The following LIG3 variants were observed in gnomAD, a reference collection of about 807,000 sequenced individuals.
The protein encoded by LIG3 is DNA ligase 3.
In LIG3, 58 loss-of-function variants were observed where a neutral mutation model predicts 110.9. That is an observed-to-expected ratio of 0.52 (90% confidence interval 0.42 to 0.65). LIG3 has a LOEUF of 0.65. LIG3 is among the 30% of genes least tolerant of loss of function. The probability of loss-of-function intolerance (pLI) is 0.00; values close to 1 mark genes in which losing one functional copy is unlikely to be tolerated. For synonymous variants in LIG3, 422 were observed against 472.8 expected (o/e 0.89, Z 1.39); for missense variants, 1,094 against 1,273.8 (o/e 0.86, Z 2.15).
At chr17:34,986,649 G>T (rs561683824) in intron 3 of LIG3, among the ~76,000 whole-genome samples, 1 of 152,242 alleles carries the variant, frequency 6.6e-6, no homozygotes, top group African/African-American at 2.4e-5. Flanking sequence ...GCATTTCTTT[G>T]TATACTTTAA....
Position 34,994,298 on chromosome 17 carries a change from A to G in LIG3, c.1478A>G (p.Glu493Gly). Residue 493 changes from glutamate to glycine, a missense_variant, in exon 9 of 20, where the codon GAG (glutamate) becomes GGG (glycine). Transcript: ENST00000378526. ...AAGGCGGAGGCCTGCAAGTCCGTTG[A>G]GTATGCAATGAAGAAATGTCCCAAT... is the stretch of plus-strand genomic sequence containing the variant. ...PMLAEACKSV[E>G]YAMKKCPNGM... The G allele has an allele frequency of 6.2e-7, 1 of 1,613,606 alleles. No homozygotes were observed. Among genetic ancestry groups the G allele is most frequent in the Non-Finnish European group, 8.5e-7 (1 of 1,179,950 alleles).
At chr17:34,993,293 C>A (rs1370136112) in intron 8 of LIG3, among the ~76,000 whole-genome samples, 2 of 152,218 alleles carry the variant, frequency 1.3e-5, no homozygotes, top group African/African-American at 4.8e-5. Context: ...CTGTGAGATT[C>A]TTTGGATTTT....
At chr17:34,980,807 G>A (rs1304365011) in intron 1 of LIG3, 185 bp downstream of exon 1, 2 of 182,562 alleles carry the variant, frequency 1.1e-5, no homozygotes, top group African/African-American at 4.8e-5. Context: ...GGGGAGGCTC[G>A]CGGCTCCCCG....
Position 35,005,104 on chromosome 17 carries a change from T to A in LIG3, c.*598T>A, listed in dbSNP as rs564106167. On this transcript the variant is annotated 3_prime_UTR_variant, in exon 20 of 20. Transcript: ENST00000378526. ...CTATTACATGGTGAGGATCCCCAGTTTGAAGGGAGGGGACTAGGGTCAGGT... is the reference window on the plus strand; with the variant it reads ...CTATTACATGGTGAGGATCCCCAGTATGAAGGGAGGGGACTAGGGTCAGGT... 2.4e-5 allele frequency: 8 copies of A among 338,922 alleles called. No homozygotes were observed. Among genetic ancestry groups the A allele is most frequent in the Non-Finnish European group, 4.7e-5 (8 of 170,258 alleles). 21.0% of individuals were successfully genotyped at this position (338,922 alleles called of 1,614,324 possible). A position where few individuals can be genotyped will look rare whatever the true frequency, so the allele number is the denominator to read the frequency against.
chr17:35,010,817 T>A (rs1597809150), downstream of LIG3: 1 of 151,196 alleles, frequency 6.6e-6, no homozygotes, highest in Non-Finnish European at 1.5e-5. Flanking sequence ...GGAATGAAAG[T>A]AGGGTCTCCT....
At chr17:35,010,613 G>T (rs1432400982), downstream of LIG3, 2 of 152,268 alleles carry the variant, frequency 1.3e-5, no homozygotes, top group Non-Finnish European at 2.9e-5. Context: ...TTAGCCTGGT[G>T]TGGTGGTGGG....
intron 16 of LIG3, among the ~76,000 whole-genome samples, chr17:35,000,569 T>G (rs1386299567): frequency 6.6e-6 from 1 of 151,384 alleles, no homozygotes; most frequent in African/African-American, 2.4e-5. Context: ...CCTTTTTGGT[T>G]TTAATTGTTC....
chr17:34,999,923 G>T, intron 16 of LIG3, 67 bp downstream of exon 16: 1 of 1,314,462 alleles, frequency 7.6e-7, no homozygotes, highest in Non-Finnish European at 1.1e-6. Context: ...TAGTGCCATA[G>T]AGAATCCATC....
intron 16 of LIG3, among the ~76,000 whole-genome samples, chr17:35,000,531 T>G (rs150782448): frequency 2.2e-3 from 340 of 152,224 alleles, no homozygotes; most frequent in Middle Eastern, 6.8e-3. Flanking sequence ...GTGCTGGGAT[T>G]ACAGGCGTGA....
chr17:34,995,382 A>G lies in LIG3; in HGVS notation c.1612-682A>G, dbSNP rs549367468. 2.6e-5 allele frequency among the ~76,000 whole-genome samples: 4 copies of G among 152,336 alleles called. No individual in the cohort carries two copies. In the South Asian group the frequency reaches 8.3e-4, roughly 32 times the overall value. ...GTGAGGTTGGTGTTAAATAGACACCATCTGTGACCCAGGAAGAAGTCTGAG... is the reference window on the plus strand; with the variant it reads ...GTGAGGTTGGTGTTAAATAGACACCGTCTGTGACCCAGGAAGAAGTCTGAG... On this transcript the variant is annotated intron_variant, in intron 9 of 19. Coordinates refer to ENST00000378526, the MANE Select transcript of LIG3 (RefSeq NM_013975.4).
At chr17:34,988,028 A>G (rs1470826840) in intron 3 of LIG3, among the ~76,000 whole-genome samples, 1 of 151,506 alleles carries the variant, frequency 6.6e-6, no homozygotes, top group Non-Finnish European at 1.5e-5. Context: ...CCCTGTCTCT[A>G]CTAAAAATAA....
Position 34,994,327 on chromosome 17 carries a change from A to G in LIG3, c.1507A>G (p.Met503Val). 1 of 1,614,096 alleles carries G rather than the reference A, an allele frequency of 6.2e-7. No individual in the cohort carries two copies. Among genetic ancestry groups the G allele is most frequent in the Non-Finnish European group, 8.5e-7 (1 of 1,180,010 alleles). The change falls in exon 9 of 20, where the codon ATG becomes GTG. Residue 503 changes from methionine to valine, a missense_variant. By Grantham distance (21) the Met-to-Val change is conservative. Coordinates refer to ENST00000378526, the MANE Select transcript of LIG3 (RefSeq NM_013975.4). The part of the protein sequence containing the change: ...EYAMKKCPNG[M>V]FSEIKYDGER... The stretch of plus-strand genomic sequence containing the variant: ...TGCAATGAAGAAATGTCCCAATGGC[A>G]TGTTCTCTGAGATCAAGTACGATGG...
Position 34,998,586 on chromosome 17 carries a change from T to C in LIG3, c.1990-18T>C. 1 of 1,598,740 alleles carries C rather than the reference T, an allele frequency of 6.3e-7. No homozygotes were observed. The highest frequency in any genetic ancestry group is 8.5e-7 in the Non-Finnish European group (1 of 1,179,190). ...AGTTGCCTTTCTATTCTGTGGTCTC[T>C]CTTTTGCTTCCCTTCAGGGTACATA... On this transcript the variant is annotated intron_variant, in intron 13 of 19. Transcript: ENST00000378526.
intron 15 of LIG3, 134 bp from the exon 16 acceptor site, chr17:34,999,648 C>T: frequency 5.6e-6 from 6 of 1,073,948 alleles, no homozygotes; most frequent in Non-Finnish European, 8.3e-6. Flanking sequence ...GTCATACCCA[C>T]TCTGGGCTGG....
Position 34,992,638 on chromosome 17 carries a change from G to C in LIG3, c.1401G>C (p.Gln467His), listed in dbSNP as rs771474874. 6.2e-7 allele frequency: 1 copy of C among 1,613,680 alleles called. No homozygotes were observed. The highest frequency in any genetic ancestry group is 8.5e-7 in the Non-Finnish European group (1 of 1,179,808). Reference protein sequence around the residue: ...NAQEVEKEPGQRRALSVQASL... With the variant: ...NAQEVEKEPGHRRALSVQASL... The stretch of plus-strand genomic sequence containing the variant: ...AGGAGGTGGAGAAGGAGCCGGGCCA[G>C]AGACGAGCTCTGAGCGTCCAGGCCT... The change falls in exon 8 of 20, where the codon CAG becomes CAC. Residue 467 changes from glutamine to histidine, a missense_variant. Coordinates refer to ENST00000378526, the MANE Select transcript of LIG3 (RefSeq NM_013975.4).
In LIG3 at chr17:34,987,711, T is replaced by C. The variant is rs2090671621; in HGVS notation, c.691+1580T>C. Among the ~76,000 whole-genome samples, 6 of 152,326 alleles carry C rather than the reference T, an allele frequency of 3.9e-5. No individual in the cohort carries two copies. The South Asian group carries it at 1.2e-3, about 32-fold the overall frequency. ...AGTGGCCTCTCCTACCATAGTGCTA[T>C]GCACAGGGTGCTATAGGAGCACAGG... On this transcript the variant is annotated intron_variant, in intron 3 of 19. Coordinates refer to ENST00000378526, the MANE Select transcript of LIG3 (RefSeq NM_013975.4).
rs369596036 is a variant in LIG3, at chr17:34,996,266, C to T, written c.1743+71C>T. On this transcript the variant is annotated intron_variant, in intron 10 of 19. Coordinates refer to ENST00000378526, the MANE Select transcript of LIG3 (RefSeq NM_013975.4). ...AGTATGTACATGTGGGTGCACGCTG[C>T]GGTCTGAAAAGGGAGGAAATATCCC... 15 of 1,523,836 alleles carry T rather than the reference C, an allele frequency of 9.8e-6. 1 individual carries two copies. The highest frequency in any genetic ancestry group is 1.7e-4 in the Middle Eastern group (1 of 5,800). 94.4% of individuals were successfully genotyped at this position (1,523,836 alleles called of 1,614,324 possible). A position where few individuals can be genotyped will look rare whatever the true frequency, so the allele number is the denominator to read the frequency against.
intron 14 of LIG3, 132 bp from the exon 15 acceptor site, chr17:34,999,175 A>G (rs2090813288): frequency 3.0e-6 from 3 of 997,970 alleles, no homozygotes; most frequent in African/African-American, 3.3e-5. Flanking sequence ...CACAGTTAGT[A>G]AGAGGTAGCT....
intron 9 of LIG3, among the ~76,000 whole-genome samples, 199 bp from the exon 10 acceptor site, chr17:34,995,865 C>G (rs191268529): frequency 6.6e-6 from 1 of 152,216 alleles, no homozygotes; most frequent in Non-Finnish European, 1.5e-5. Flanking sequence ...TTCCTGGGCC[C>G]GGACAGAAGT....
Sources: allele counts gnomAD v4.1 joint callset (sites outside exome capture counted in the v4.1 genomes callset), GRCh38; gene constraint gnomAD v4.1.1; transcripts MANE v1.5; gene names NCBI Gene and HGNC (gene_info 2026-07-23, HGNC 2026-07-21).